The following KCNMA1 variants were observed in gnomAD, a reference collection of about 807,000 sequenced individuals.
KCNMA1 encodes the protein potassium calcium-activated channel subfamily M alpha 1, also known as Calcium-activated potassium channel subunit alpha-1.
A neutral mutation model predicts 140.0 loss-of-function variants in KCNMA1; 29 were observed. That is an observed-to-expected ratio of 0.21 (90% CI 0.15 to 0.28). KCNMA1 has a LOEUF of 0.28. Ranked by LOEUF, KCNMA1 falls within the 10% of genes least tolerant of loss-of-function variation. KCNMA1 has a pLI of 1.00. For synonymous variants in KCNMA1, 612 were observed against 611.9 expected (o/e 1.00, Z 0.00); for missense variants, 880 against 1,602.2 (o/e 0.55, Z 7.70).
intron 13 of KCNMA1, among the ~76,000 whole-genome samples, chr10:77,076,390 C>T (rs150591101): frequency 1.4e-4 from 22 of 152,276 alleles, no homozygotes; most frequent in African/African-American, 5.3e-4. Flanking sequence ...GATGCAGGGC[C>T]AGCATTTAAA....
At chr10:77,018,188 C>A (rs556623370) in intron 17 of KCNMA1, among the ~76,000 whole-genome samples, 1 of 152,240 alleles carries the variant, frequency 6.6e-6, no homozygotes, top group East Asian at 1.9e-4. Context: ...ACAGGCCTGG[C>A]TTTGACTAGG....
At chr10:77,504,413 G>A (rs754387598) in intron 1 of KCNMA1, among the ~76,000 whole-genome samples, 4 of 152,068 alleles carry the variant, frequency 2.6e-5, no homozygotes, top group South Asian at 4.2e-4. Context: ...ATGGGGAACC[G>A]AGCAACCGAG....
chr10:77,431,886 G>A (rs1045281052), intron 1 of KCNMA1, among the ~76,000 whole-genome samples: 22 of 152,076 alleles, frequency 1.4e-4, no homozygotes, highest in African/African-American at 4.8e-4. Flanking sequence ...CCAGCTACTC[G>A]GGAGGTTGAG....
At chr10:76,903,947 A>T (rs2046685792) in intron 25 of KCNMA1, 1 of 152,178 alleles carries the variant, frequency 6.6e-6, no homozygotes, top group African/African-American at 2.4e-5. Context: ...TAAGCTCCCA[A>T]ATATTATCTA....
chr10:76,911,188 G>A (rs2050044282), intron 24 of KCNMA1: 1 of 143,160 alleles, frequency 7.0e-6, no homozygotes, highest in Non-Finnish European at 1.5e-5. Flanking sequence ...CAACTTTCTT[G>A]ATAACTCTTC....
intron 1 of KCNMA1, 65 bp downstream of exon 1, chr10:77,637,200 G>A (rs2093847128): frequency 1.4e-6 from 2 of 1,435,764 alleles, no homozygotes; most frequent in African/African-American, 2.8e-5. Flanking sequence ...GAGGAGGTGG[G>A]CTGCAGGGGA....
At position 76,930,753 on chromosome 10, in the gene KCNMA1, A is replaced by G. The variant is rs1160580582; in HGVS notation, c.2902+14020T>C. Among the ~76,000 whole-genome samples, 3 of 152,158 alleles carry G rather than the reference A, an allele frequency of 2.0e-5. No individual in the cohort carries two copies. In the East Asian group the frequency reaches 5.8e-4, roughly 29 times the overall value. ...ATTGACAGATGAGTAGATAAAGAAA[A>G]TATGGTCTGTGTTGTGTATGTACCT... On this transcript the variant is annotated intron_variant, in intron 23 of 27. Coordinates refer to ENST00000286628, the MANE Select transcript of KCNMA1 (RefSeq NM_001161352.2).
chr10:77,067,473 A>ATC (rs78621121), intron 14 of KCNMA1, among the ~76,000 whole-genome samples: 8,974 of 151,124 alleles, frequency 0.059, 358 homozygotes, highest in Non-Finnish European at 0.091. Flanking sequence ...TATAATCAAC[A>ATC]TCTCTCTCTC....
intron 1 of KCNMA1, among the ~76,000 whole-genome samples, chr10:77,566,791 C>T (rs758362776): frequency 2.0e-5 from 3 of 151,846 alleles, no homozygotes; most frequent in Non-Finnish European, 2.9e-5. Flanking sequence ...GTACTCACTT[C>T]GTGGCATGAA....
intron 1 of KCNMA1, among the ~76,000 whole-genome samples, chr10:77,570,748 AAAAG>A (rs1265374385): frequency 1.3e-5 from 2 of 149,856 alleles, no homozygotes; most frequent in Admixed American, 1.3e-4. Flanking sequence ...AATAATAAAA[AAAAG>A]AAATTACTTT....
In KCNMA1 at chr10:77,352,919, A is replaced by C. The variant is rs573926586; in HGVS notation, c.540+50943T>G. On this transcript the variant is annotated intron_variant, in intron 2 of 27. Transcript: ENST00000286628. ...CTTGTAAACTGGTTGATAATTCAGA[A>C]AATGACAGCTCTCCCCGACTTAGTT... Among the ~76,000 whole-genome samples, 35 of 152,340 alleles carry C rather than the reference A, an allele frequency of 2.3e-4. 2 individuals carry two copies. The South Asian group carries it at 3.5e-3, about 15-fold the overall frequency.
chr10:77,132,904 T>C (rs2097895611), intron 5 of KCNMA1, among the ~76,000 whole-genome samples: 1 of 152,144 alleles, frequency 6.6e-6, no homozygotes. Flanking sequence ...AATGGATTCA[T>C]TTATGTGTTG....
At chr10:77,218,058 T>C (rs1018106755) in intron 3 of KCNMA1, among the ~76,000 whole-genome samples, 5 of 152,128 alleles carry the variant, frequency 3.3e-5, no homozygotes, top group African/African-American at 1.2e-4. Flanking sequence ...AGGACCACTA[T>C]TGAAGGAGAT....
intron 14 of KCNMA1, among the ~76,000 whole-genome samples, chr10:77,044,313 T>G (rs2153600112): frequency 6.6e-6 from 1 of 152,060 alleles, no homozygotes; most frequent in Non-Finnish European, 1.5e-5. Flanking sequence ...AAAACAAAAG[T>G]GTACATTTCT....
intron 27 of KCNMA1, chr10:76,888,412 T>C (rs1355131924): frequency 6.6e-6 from 1 of 152,182 alleles, no homozygotes; most frequent in Non-Finnish European, 1.5e-5. Context: ...ATATATGATG[T>C]TTTCTTCCTT....
chr10:77,312,846 G>A (rs2079706987), intron 2 of KCNMA1, among the ~76,000 whole-genome samples: 1 of 152,146 alleles, frequency 6.6e-6, no homozygotes, highest in South Asian at 2.1e-4. Context: ...TGAAGAAGCA[G>A]CAACTCAGAA....
intron 14 of KCNMA1, among the ~76,000 whole-genome samples, chr10:77,059,515 C>G (rs1341690967): frequency 6.6e-6 from 1 of 152,122 alleles, no homozygotes; most frequent in Non-Finnish European, 1.5e-5. Flanking sequence ...ACTAGGGTCT[C>G]TCCCAGGAAT....
At chr10:77,013,410 C>T (rs2091305577) in intron 17 of KCNMA1, among the ~76,000 whole-genome samples, 1 of 151,994 alleles carries the variant, frequency 6.6e-6, no homozygotes, top group African/African-American at 2.4e-5. Context: ...TGCCAGCTGT[C>T]ATCTATGTCT....
chr10:77,100,905 C>A (rs145972614), intron 9 of KCNMA1, among the ~76,000 whole-genome samples: 1 of 151,548 alleles, frequency 6.6e-6, no homozygotes, highest in Admixed American at 6.6e-5. Context: ...GGCTTGAATA[C>A]GACTTTTTTT....
Sources: gnomAD v4.1 joint callset for allele counts (sites outside exome capture counted in the v4.1 genomes callset) on GRCh38, gnomAD v4.1.1 for gene constraint, MANE v1.5 for transcripts, NCBI Gene and HGNC (gene_info 2026-07-23, HGNC 2026-07-21) for gene names.